Variants in CENPF observed in about 807,000 individuals in gnomAD.
CENPF encodes AH antigen.
A neutral mutation model predicts 307.3 loss-of-function variants in CENPF; 214 were observed. That is an observed-to-expected ratio of 0.70 (90% confidence interval 0.62 to 0.78). The LOEUF is 0.78. Among genes scored for constraint, CENPF ranks in the 30% least tolerant of loss-of-function variants. CENPF has a pLI of 0.00. For synonymous variants in CENPF, 1,259 were observed against 1,270.6 expected (o/e 0.99, Z 0.19); for missense variants, 3,401 against 3,483.9 (o/e 0.98, Z 0.60).
At chr1:214,605,411 G>A (rs868204616) in intron 1 of CENPF, 3 of 447,990 alleles carry the variant, frequency 6.7e-6, no homozygotes, top group South Asian at 5.3e-5. Flanking sequence ...TCATACATCC[G>A]TAAGTGCCTG....
intron 13 of CENPF, among the ~76,000 whole-genome samples, chr1:214,648,167 A>C (rs911408359): frequency 1.3e-5 from 2 of 152,176 alleles, no homozygotes; most frequent in African/African-American, 4.8e-5. Flanking sequence ...GGGGTTTTGG[A>C]TACCTTGCAA....
chr1:214,629,200 G>T, intron 8 of CENPF, 29 bp downstream of exon 8: 1 of 1,540,084 alleles, frequency 6.5e-7, no homozygotes, highest in Non-Finnish European at 8.7e-7. Flanking sequence ...TGAGGTGTTT[G>T]TCTGAAAGGC....
intron 17 of CENPF, among the ~76,000 whole-genome samples, chr1:214,655,683 G>A (rs751216133): frequency 7.2e-5 from 11 of 151,934 alleles, no homozygotes; most frequent in Non-Finnish European, 1.3e-4. Context: ...TTGCAGCCTC[G>A]ACCTCAAAGC....
rs1179059937 is a variant in CENPF at position 214,658,541 on chromosome 1, A to G, written c.8963-309A>G. 2.0e-5 allele frequency among the ~76,000 whole-genome samples: 3 copies of G among 152,250 alleles called. No individual in the cohort carries two copies. The East Asian group carries it at 5.8e-4, about 29-fold the overall frequency. ...CTGCTGGCATTCTTTAGATCTTAGA[A>G]AAATGCAAAATAAAACATCTACATA... On this transcript the variant is annotated intron_variant, in intron 18 of 19. Coordinates refer to ENST00000366955, the MANE Select transcript of CENPF (RefSeq NM_016343.4).
At chr1:214,652,322 A>C (rs1442281037) in intron 15 of CENPF, among the ~76,000 whole-genome samples, 3 of 151,804 alleles carry the variant, frequency 2.0e-5, no homozygotes, top group Admixed American at 6.6e-5. Context: ...GGCGTGAGCC[A>C]CTGCGCCTGG....
In CENPF at chr1:214,647,017, G is replaced by T; in HGVS notation, c.7447G>T (p.Ala2483Ser). 1 of 1,613,958 alleles carries T rather than the reference G, an allele frequency of 6.2e-7. No individual in the cohort carries two copies. The highest frequency in any genetic ancestry group is 1.3e-5 in the African/African-American group (1 of 75,010). The change falls in exon 13 of 20, where the codon GCT becomes TCT. Residue 2483 changes from alanine (A) to serine (S), a missense_variant. By Grantham distance (99) the Ala-to-Ser change is moderately conservative. Coordinates refer to ENST00000366955, the MANE Select transcript of CENPF (RefSeq NM_016343.4). The part of the protein sequence containing the change: ...SQVECLELEK[A>S]QLLQGLDEAK... ...AGTAGAGTGTCTTGAACTTGAGAAG[G>T]CTCAGTTGCTACAAGGCCTTGATGA...
chr1:214,645,486 A>T lies in CENPF; in HGVS notation c.5916A>T (p.Lys1972Asn). 6.2e-7 allele frequency: 1 copy of T among 1,613,910 alleles called. No individual in the cohort carries two copies. The highest frequency in any genetic ancestry group is 2.2e-5 in the East Asian group (1 of 44,874). Reference sequence around the variant, plus strand: ...GTGGAGAATTAGATACTATGTCAAAAAAAACCACGGCACTGGATCAGTTGT... The same window carrying T: ...GTGGAGAATTAGATACTATGTCAAATAAAACCACGGCACTGGATCAGTTGT... ...QLRGELDTMS[K>N]KTTALDQLSE... Residue 1972 changes from lysine to asparagine, a missense_variant, in exon 13 of 20, where the codon AAA (lysine) becomes AAT (asparagine). By Grantham distance (94) the Lys-to-Asn change is moderately conservative. Transcript: ENST00000366955.
chr1:214,658,788 T>A, intron 18 of CENPF, 62 bp from the exon 19 acceptor site: 1 of 1,517,736 alleles, frequency 6.6e-7, no homozygotes, highest in Non-Finnish European at 9.0e-7. Context: ...CTAATGAATA[T>A]CTTTTCCACT....
chr1:214,621,093 C>A, intron 6 of CENPF, 147 bp downstream of exon 6: 1 of 679,272 alleles, frequency 1.5e-6, no homozygotes. Flanking sequence ...GTGAAATATA[C>A]TGTCTTTTCA....
chr1:214,624,228 G>T (rs1358131128), intron 7 of CENPF, among the ~76,000 whole-genome samples: 1 of 151,794 alleles, frequency 6.6e-6, no homozygotes, highest in African/African-American at 2.4e-5. Context: ...AAAGGATATT[G>T]GTTGGCTTTC....
rs140335858 is a variant in CENPF, at chr1:214,609,646, A to G, written c.-41-4068A>G. Among the ~76,000 whole-genome samples the G allele has an allele frequency of 1.4e-3, 211 of 152,240 alleles. 2 individuals are homozygous for G. Among genetic ancestry groups the G allele is most frequent in the African/African-American group, 4.9e-3 (204 of 41,544 alleles). ...GCAGGTTTGTTTTACAGGTAGACTCATGTCATGGGGGATTGTTGTACAGAT... is the reference window on the plus strand; with the variant it reads ...GCAGGTTTGTTTTACAGGTAGACTCGTGTCATGGGGGATTGTTGTACAGAT... On this transcript the variant is annotated intron_variant, in intron 1 of 19. Coordinates refer to ENST00000366955, the MANE Select transcript of CENPF (RefSeq NM_016343.4).
At chr1:214,626,201 A>G (rs1029394333) in intron 7 of CENPF, among the ~76,000 whole-genome samples, 3 of 152,028 alleles carry the variant, frequency 2.0e-5, no homozygotes, top group African/African-American at 7.2e-5. Flanking sequence ...TCATTCCTGA[A>G]GGATATTCTG....
At chr1:214,653,097 G>A (rs1658534517) in intron 16 of CENPF, 108 bp downstream of exon 16, 2 of 1,132,698 alleles carry the variant, frequency 1.8e-6, no homozygotes, top group Admixed American at 1.7e-5. Context: ...GAAAATTTTT[G>A]GTAGTCAAAA....
Position 214,640,270 on chromosome 1 carries a change from T to C in CENPF, c.1932T>C (p.Ile644=). The part of the protein sequence containing the change: ...ESEKENLQSK[I]NHLETCLKTQ... Reference sequence around the variant, plus strand: ...AAAAGGAAAACTTGCAGAGTAAAATTAATCACTTGGAAACTTGTCTGAAGA... The same window carrying C: ...AAAAGGAAAACTTGCAGAGTAAAATCAATCACTTGGAAACTTGTCTGAAGA... The change falls in exon 12 of 20, where the codon ATT becomes ATC. Residue 644 remains isoleucine (I), a synonymous_variant. Coordinates refer to ENST00000366955, the MANE Select transcript of CENPF (RefSeq NM_016343.4). The C allele has an allele frequency of 6.2e-7, 1 of 1,613,760 alleles. No homozygotes were observed. Among genetic ancestry groups the C allele is most frequent in the South Asian group, 1.1e-5 (1 of 90,982 alleles).
chr1:214,613,437 A>G (rs779241113), intron 1 of CENPF: 2 of 197,204 alleles, frequency 1.0e-5, no homozygotes, highest in Admixed American at 6.1e-5. Flanking sequence ...TAATGAAAAA[A>G]CTGAGCAATA....
chr1:214,606,391 C>G (rs1489433448), intron 1 of CENPF, among the ~76,000 whole-genome samples: 2 of 152,174 alleles, frequency 1.3e-5, no homozygotes, highest in Non-Finnish European at 2.9e-5. Context: ...CCTGGCGCCT[C>G]TCCTCCTGAT....
intron 19 of CENPF, among the ~76,000 whole-genome samples, chr1:214,660,319 C>A (rs1483855262): frequency 6.6e-6 from 1 of 152,146 alleles, no homozygotes; most frequent in East Asian, 1.9e-4. Flanking sequence ...TAGAAATAGT[C>A]TACCATTTTG....
At chr1:214,623,336 C>A (rs760610656) in intron 7 of CENPF, among the ~76,000 whole-genome samples, 2 of 152,084 alleles carry the variant, frequency 1.3e-5, no homozygotes, top group Non-Finnish European at 2.9e-5. Context: ...TATAAGTAAT[C>A]TAGAGATGAT....
At position 214,657,240 on chromosome 1, in the gene CENPF, G is replaced by C. The variant is rs781020005; in HGVS notation, c.8793G>C (p.Lys2931Asn). The C allele has an allele frequency of 1.4e-5, 22 of 1,613,966 alleles. No homozygotes were observed. The highest frequency in any genetic ancestry group is 1.8e-5 in the Non-Finnish European group (21 of 1,180,022). ...LSSGQNKASG[K>N]RQRSSGIWEN... ...CTGGCCAAAATAAAGCTTCAGGCAA[G>C]AGGCAAAGATCCAGTGGAATATGGG... The change falls in exon 18 of 20, where the codon AAG becomes AAC. Residue 2931 changes from lysine (K) to asparagine (N), a missense_variant. Coordinates refer to ENST00000366955, the MANE Select transcript of CENPF (RefSeq NM_016343.4).
Sources: allele counts gnomAD v4.1 joint callset (sites outside exome capture counted in the v4.1 genomes callset), GRCh38; gene constraint gnomAD v4.1.1; transcripts MANE v1.5; gene names NCBI Gene and HGNC (gene_info 2026-07-23, HGNC 2026-07-21).